Variants in DLG2 observed in about 807,000 individuals in gnomAD.
DLG2 encodes the protein discs large MAGUK scaffold protein 2.
A neutral mutation model predicts 132.5 loss-of-function variants in DLG2; 45 were observed. The observed-to-expected ratio is 0.34, with a 90% CI of 0.27 to 0.44. The LOEUF (loss-of-function observed/expected upper bound fraction) is 0.44. Among genes scored for constraint, DLG2 ranks in the 20% least tolerant of loss-of-function variants. DLG2 has a pLI of 1.00. For missense variants in DLG2, 1,045 were observed against 1,196.9 expected, an observed-to-expected ratio of 0.87 and a Z score of 1.87; for synonymous variants, 424 against 419.6, an observed-to-expected ratio of 1.01 and a Z score of -0.13.
chr11:83,825,424 G>A (rs1405784595), intron 17 of DLG2, among the ~76,000 whole-genome samples: 7 of 151,740 alleles, frequency 4.6e-5, no homozygotes, highest in African/African-American at 1.7e-4. Context: ...CAGGTGAACT[G>A]CCCAACTCAG....
intron 3 of DLG2, among the ~76,000 whole-genome samples, chr11:85,369,973 A>C (rs1169837289): frequency 6.6e-6 from 1 of 152,248 alleles, no homozygotes; most frequent in Admixed American, 6.5e-5. Flanking sequence ...TAAAATGTAG[A>C]TGTCATTAAA....
chr11:85,208,997 A>G (rs998728945), intron 4 of DLG2, among the ~76,000 whole-genome samples: 1 of 152,138 alleles, frequency 6.6e-6, no homozygotes, highest in Non-Finnish European at 1.5e-5. Flanking sequence ...TTGCAAGTAC[A>G]CTGGGTTCAT....
intron 18 of DLG2, among the ~76,000 whole-genome samples, chr11:83,683,447 T>C (rs55805802): frequency 3.3e-5 from 5 of 152,152 alleles, no homozygotes; most frequent in South Asian, 2.1e-4. Context: ...TGGCCCCAAG[T>C]AGTGTTTTAC....
At chr11:84,523,639 A>G (rs886719573) in intron 7 of DLG2, among the ~76,000 whole-genome samples, 1 of 152,254 alleles carries the variant, frequency 6.6e-6, no homozygotes, top group African/African-American at 2.4e-5. Context: ...CACTAACAAT[A>G]TCATCTTTAA....
At chr11:83,838,326 T>C (rs978560252) in intron 16 of DLG2, among the ~76,000 whole-genome samples, 2 of 152,196 alleles carry the variant, frequency 1.3e-5, no homozygotes, top group African/African-American at 2.4e-5. Flanking sequence ...CTTTTCCTTA[T>C]GTTTGAAAAA....
Position 84,439,671 on chromosome 11 carries a change from A to T in DLG2, c.519+94899T>A, listed in dbSNP as rs1442182266. Among the ~76,000 whole-genome samples the T allele has an allele frequency of 2.0e-5, 3 of 152,228 alleles. No individual in the cohort carries two copies. The East Asian group carries it at 5.8e-4, about 29-fold the overall frequency. On this transcript the variant is annotated intron_variant, in intron 7 of 27. Transcript: ENST00000376104. ...CTGCTTAGTTTTCAAAGAGCTACTC[A>T]GCAGGACCGTAGCTTACTCTAATAT... is the stretch of plus-strand genomic sequence containing the variant.
At chr11:83,790,867 TTGATCCTTCCA>T (rs1431589438) in intron 17 of DLG2, 1 of 746,668 alleles carries the variant, frequency 1.3e-6, no homozygotes, top group East Asian at 2.4e-5. Context: ...CAATAGCTAC[TTGATCCTTCCA>T]AAGGACACAT....
At chr11:85,615,445 A>G (rs989456959) in intron 2 of DLG2, among the ~76,000 whole-genome samples, 1 of 152,154 alleles carries the variant, frequency 6.6e-6, no homozygotes, top group South Asian at 2.1e-4. Flanking sequence ...TGAACCCAGA[A>G]AGCAGAGGTT....
At chr11:85,139,607 A>G (rs571996008) in intron 5 of DLG2, among the ~76,000 whole-genome samples, 18 of 152,186 alleles carry the variant, frequency 1.2e-4, no homozygotes, top group African/African-American at 4.1e-4. Flanking sequence ...ATCACTTCTC[A>G]TATAGTTACC....
At chr11:85,439,879 A>C (rs1294619328) in intron 3 of DLG2, among the ~76,000 whole-genome samples, 1 of 152,178 alleles carries the variant, frequency 6.6e-6, no homozygotes, top group Non-Finnish European at 1.5e-5. Flanking sequence ...GGATATTAGA[A>C]AGGAAGAGAA....
chr11:85,009,742 C>T (rs1019419868), intron 6 of DLG2, among the ~76,000 whole-genome samples: 9 of 151,992 alleles, frequency 5.9e-5, no homozygotes, highest in South Asian at 2.1e-4. Context: ...CATTTTTAAA[C>T]GGTCAGAACT....
chr11:84,313,100 C>T (rs111923828), intron 7 of DLG2, among the ~76,000 whole-genome samples: 3,260 of 152,088 alleles, frequency 0.021, 63 homozygotes, highest in East Asian at 0.065. Context: ...TGAGTCACTG[C>T]ACCTGGCCAA....
chr11:85,361,728 A>T (rs984547054), intron 3 of DLG2, among the ~76,000 whole-genome samples: 2 of 152,212 alleles, frequency 1.3e-5, no homozygotes, highest in Non-Finnish European at 2.9e-5. Flanking sequence ...ATTTGAAGTC[A>T]GTAATGTGAT....
At chr11:83,789,226 A>G (rs1187721751) in intron 17 of DLG2, among the ~76,000 whole-genome samples, 1 of 152,220 alleles carries the variant, frequency 6.6e-6, no homozygotes, top group African/African-American at 2.4e-5. Flanking sequence ...TTAAAAATTC[A>G]TCTTCAGTGT....
intron 6 of DLG2, among the ~76,000 whole-genome samples, chr11:84,827,708 A>G (rs1328065761): frequency 7.5e-6 from 1 of 132,492 alleles, no homozygotes; most frequent in Non-Finnish European, 1.7e-5. Context: ...AGCCCAGGTC[A>G]GAAATACAAA....
intron 3 of DLG2, among the ~76,000 whole-genome samples, chr11:85,445,072 T>C (rs2091947756): frequency 6.6e-6 from 1 of 152,156 alleles, no homozygotes; most frequent in South Asian, 2.1e-4. Flanking sequence ...AAAAGTGTAC[T>C]AAAACAATGA....
chr11:83,516,428 A>G (rs545123890), intron 21 of DLG2, among the ~76,000 whole-genome samples: 127 of 152,204 alleles, frequency 8.3e-4, no homozygotes, highest in Middle Eastern at 3.4e-3. Context: ...CTCTGCACAT[A>G]AGATGGGTTT....
chr11:84,856,059 G>C (rs2082743748), intron 6 of DLG2, among the ~76,000 whole-genome samples: 1 of 152,054 alleles, frequency 6.6e-6, no homozygotes, highest in African/African-American at 2.4e-5. Context: ...CCAATTGCAA[G>C]GGCCTTACTA....
intron 4 of DLG2, among the ~76,000 whole-genome samples, chr11:85,249,071 T>A (rs779334043): frequency 6.6e-6 from 1 of 152,138 alleles, no homozygotes; most frequent in South Asian, 2.1e-4. Flanking sequence ...AAAATCTTTT[T>A]CTTCACTACA....
Sources: gnomAD v4.1 joint callset for allele counts (sites outside exome capture counted in the v4.1 genomes callset) on GRCh38, gnomAD v4.1.1 for gene constraint, MANE v1.5 for transcripts, NCBI Gene and HGNC (gene_info 2026-07-23, HGNC 2026-07-21) for gene names.